Variants in SNX29 observed in about 807,000 individuals in gnomAD.
The protein encoded by SNX29 is sorting nexin-29.
In SNX29, 78 loss-of-function variants were observed where a neutral mutation model predicts 102.1. The observed-to-expected ratio is 0.76, with a 90% CI of 0.64 to 0.92. The LOEUF (loss-of-function observed/expected upper bound fraction) is 0.92, where lower values mean the gene tolerates loss of function less well. SNX29 is among the 40% of genes least tolerant of loss of function. SNX29 has a pLI of 0.00. For missense variants in SNX29, 1,280 were observed against 1,061.7 expected (o/e 1.21, Z -2.86); for synonymous variants, 580 against 414.5 (o/e 1.40, Z -4.85).
At chr16:12,166,387 C>A (rs2056023491) in intron 13 of SNX29, among the ~76,000 whole-genome samples, 1 of 152,138 alleles carries the variant, frequency 6.6e-6, no homozygotes, top group Admixed American at 6.5e-5. Flanking sequence ...AGAAATCTAT[C>A]CATGGGCTGT....
At chr16:12,554,361 G>C (rs933336506) in intron 20 of SNX29, among the ~76,000 whole-genome samples, 1 of 132,636 alleles carries the variant, frequency 7.5e-6, no homozygotes, top group African/African-American at 3.3e-5. Context: ...TCCCTTACCT[G>C]TGTCTTGAAG....
chr16:12,496,467 C>T (rs1279646893), intron 19 of SNX29, among the ~76,000 whole-genome samples: 1 of 151,322 alleles, frequency 6.6e-6, no homozygotes, highest in South Asian at 2.1e-4. Flanking sequence ...TCCCAAGTCA[C>T]CAGCCTGCCC....
chr16:12,147,607 A>G (rs945079790), intron 13 of SNX29, among the ~76,000 whole-genome samples: 4 of 152,196 alleles, frequency 2.6e-5, no homozygotes, highest in Admixed American at 1.3e-4. Context: ...CTTCCGAGAA[A>G]TGGTTGGAAT....
In SNX29 at chr16:12,572,371, G is replaced by A. The variant is rs916414822; in HGVS notation, c.*3742G>A. ...TGATGGACAGCAGGCTCTGCCTTCT[G>A]GAGGCGGCTTATATCCCAACAGCCT... On this transcript the variant is annotated 3_prime_UTR_variant, in exon 21 of 21. Coordinates refer to ENST00000566228, the MANE Select transcript of SNX29 (RefSeq NM_032167.5). 3.7e-5 allele frequency: 39 copies of A among 1,063,028 alleles called. No individual in the cohort carries two copies. The highest frequency in any genetic ancestry group is 4.6e-5 in the South Asian group (1 of 21,968). The allele number at this position is 1,063,028 out of a possible 1,614,324, so 65.8% of individuals were successfully genotyped here.
chr16:12,339,073 C>G (rs1241353402), intron 15 of SNX29, among the ~76,000 whole-genome samples: 1 of 152,110 alleles, frequency 6.6e-6, no homozygotes, highest in Non-Finnish European at 1.5e-5. Flanking sequence ...ATGACTGTTT[C>G]ATAATAAGTG....
chr16:12,246,470 ATC>A (rs2078262554), intron 14 of SNX29, among the ~76,000 whole-genome samples: 1 of 152,040 alleles, frequency 6.6e-6, no homozygotes, highest in Non-Finnish European at 1.5e-5. Flanking sequence ...GTGAAACCCC[ATC>A]TCTCTTAAAA....
intron 1 of SNX29, among the ~76,000 whole-genome samples, chr16:11,980,145 T>G (rs2055383035): frequency 6.6e-6 from 1 of 152,168 alleles, no homozygotes; most frequent in African/African-American, 2.4e-5. Context: ...AAAGAAACTT[T>G]GTACCCATTA....
At chr16:12,112,362 G>T (rs185002539) in intron 11 of SNX29, among the ~76,000 whole-genome samples, 2 of 152,320 alleles carry the variant, frequency 1.3e-5, no homozygotes, top group Non-Finnish European at 2.9e-5. Flanking sequence ...AGGCAACTCA[G>T]AAACAGGGGG....
At chr16:12,431,157 C>T (rs1035482858) in intron 18 of SNX29, among the ~76,000 whole-genome samples, 1 of 152,014 alleles carries the variant, frequency 6.6e-6, no homozygotes, top group African/African-American at 2.4e-5. Flanking sequence ...TGGCCTGAAG[C>T]AGTCTTAAAT....
At chr16:12,220,828 C>T (rs574932335) in intron 14 of SNX29, among the ~76,000 whole-genome samples, 1 of 152,282 alleles carries the variant, frequency 6.6e-6, no homozygotes, top group East Asian at 1.9e-4. Context: ...ATTATAAAAA[C>T]ATATTCTTAG....
intron 18 of SNX29, among the ~76,000 whole-genome samples, chr16:12,413,561 T>G (rs2084493941): frequency 7.5e-6 from 1 of 134,166 alleles, no homozygotes; most frequent in African/African-American, 2.5e-5. Context: ...GAGGAGTGGC[T>G]CTGTGAGAAG....
At chr16:12,060,520 C>G (rs964830290) in intron 8 of SNX29, among the ~76,000 whole-genome samples, 2 of 152,276 alleles carry the variant, frequency 1.3e-5, no homozygotes, top group Non-Finnish European at 2.9e-5. Flanking sequence ...GAGGCTCTGC[C>G]AAATCCCAAG....
At chr16:12,487,247 G>A (rs748146151) in intron 19 of SNX29, among the ~76,000 whole-genome samples, 1 of 152,104 alleles carries the variant, frequency 6.6e-6, no homozygotes, top group Non-Finnish European at 1.5e-5. Flanking sequence ...ACACACGTGC[G>A]TTCTCATCCC....
chr16:12,380,703 C>G (rs1421326324), intron 16 of SNX29, among the ~76,000 whole-genome samples: 3 of 113,534 alleles, frequency 2.6e-5, no homozygotes, highest in Admixed American at 9.0e-5. Context: ...CATCCACCCA[C>G]CAACCATCAA....
chr16:12,144,874 A>C (rs965643801), intron 13 of SNX29, among the ~76,000 whole-genome samples: 4 of 152,160 alleles, frequency 2.6e-5, no homozygotes, highest in Admixed American at 6.5e-5. Flanking sequence ...GGCGCCTGCC[A>C]CCACACCCGG....
chr16:12,547,779 G>T (rs957358171), intron 20 of SNX29, among the ~76,000 whole-genome samples: 1 of 152,170 alleles, frequency 6.6e-6, no homozygotes, highest in African/African-American at 2.4e-5. Context: ...ACACTTGCCT[G>T]GCTACCGAAC....
intron 13 of SNX29, among the ~76,000 whole-genome samples, chr16:12,196,381 T>G (rs1169337718): frequency 1.3e-5 from 2 of 150,662 alleles, no homozygotes; most frequent in African/African-American, 4.9e-5. Context: ...GAATATTAAG[T>G]GCCCTACTCA....
At chr16:12,007,613 C>T (rs1051004760) in intron 3 of SNX29, among the ~76,000 whole-genome samples, 12 of 152,286 alleles carry the variant, frequency 7.9e-5, no homozygotes, top group Middle Eastern at 3.4e-3. Context: ...CCTTCCTCAC[C>T]GCTGATAGCT....
intron 3 of SNX29, among the ~76,000 whole-genome samples, chr16:12,024,670 T>A (rs182684874): frequency 6.6e-6 from 1 of 152,358 alleles, no homozygotes; most frequent in African/African-American, 2.4e-5. Context: ...CCTTGGGGAC[T>A]GGATTTGTGC....
Sources: allele counts gnomAD v4.1 joint callset (sites outside exome capture counted in the v4.1 genomes callset), GRCh38; gene constraint gnomAD v4.1.1; transcripts MANE v1.5; gene names NCBI Gene and HGNC (gene_info 2026-07-23, HGNC 2026-07-21).